The following GRK5 variants were observed in gnomAD, a reference collection of about 807,000 sequenced individuals.
GRK5 encodes G protein-coupled receptor kinase 5, also known as g protein-coupled receptor kinase GRK5.
In GRK5, 40 loss-of-function variants were observed where a neutral mutation model predicts 78.4. The observed-to-expected ratio is 0.51, with a 90% confidence interval of 0.40 to 0.66. The LOEUF (loss-of-function observed/expected upper bound fraction) is 0.66, where lower values mean the gene tolerates loss of function less well. GRK5 is among the 30% of genes least tolerant of loss of function. The probability of loss-of-function intolerance (pLI) is 0.00; values close to 1 mark genes in which losing one functional copy is unlikely to be tolerated. For missense variants in GRK5, 598 were observed against 759.9 expected (o/e 0.79, Z 2.50); for synonymous variants, 289 against 296.8 (o/e 0.97, Z 0.27).
intron 1 of GRK5, among the ~76,000 whole-genome samples, chr10:119,259,085 G>A (rs1166797593): frequency 1.8e-5 from 2 of 113,424 alleles, no homozygotes; most frequent in Non-Finnish European, 3.6e-5. Context: ...TTTTTTTTGA[G>A]ACAGAGTCTC....
chr10:119,236,239 G>A (rs900898317), intron 1 of GRK5, among the ~76,000 whole-genome samples: 1 of 151,762 alleles, frequency 6.6e-6, no homozygotes, highest in African/African-American at 2.4e-5. Flanking sequence ...TTTTTGAGAC[G>A]GAGTCTCGCT....
intron 3 of GRK5, among the ~76,000 whole-genome samples, chr10:119,384,755 G>A (rs1214118606): frequency 6.6e-6 from 1 of 152,208 alleles, no homozygotes; most frequent in Non-Finnish European, 1.5e-5. Context: ...GAGCATGTGA[G>A]GGGCAGAGGT....
chr10:119,214,323 T>A (rs1848535239), intron 1 of GRK5, among the ~76,000 whole-genome samples: 1 of 152,128 alleles, frequency 6.6e-6, no homozygotes. Flanking sequence ...AGAACTGGAT[T>A]TTTTTCCCCG....
chr10:119,426,216 C>T (rs1483969748), intron 6 of GRK5, among the ~76,000 whole-genome samples: 2 of 152,224 alleles, frequency 1.3e-5, no homozygotes, highest in East Asian at 1.9e-4. Flanking sequence ...CACAGCCCTT[C>T]CCTGCCTGCT....
chr10:119,240,719 G>A (rs774089925), intron 1 of GRK5, among the ~76,000 whole-genome samples: 5 of 151,992 alleles, frequency 3.3e-5, no homozygotes, highest in Non-Finnish European at 5.9e-5. Flanking sequence ...TGTAGATTCT[G>A]GACATTAGCC....
chr10:119,419,275 G>T (rs111958824), intron 4 of GRK5, among the ~76,000 whole-genome samples: 1 of 152,200 alleles, frequency 6.6e-6, no homozygotes, highest in Non-Finnish European at 1.5e-5. Context: ...CTTACACGGT[G>T]TATCCGATCT....
chr10:119,276,391 A>G (rs969762706), intron 1 of GRK5, among the ~76,000 whole-genome samples: 8 of 151,898 alleles, frequency 5.3e-5, no homozygotes, highest in African/African-American at 1.9e-4. Flanking sequence ...GAGAATGATG[A>G]TTTCCAATTT....
chr10:119,419,299 C>T (rs779767692), intron 4 of GRK5, among the ~76,000 whole-genome samples: 2 of 152,230 alleles, frequency 1.3e-5, no homozygotes, highest in Admixed American at 6.5e-5. Flanking sequence ...ACGCAGCCAG[C>T]GGAGGGCCTT....
chr10:119,324,917 G>A (rs181745491), intron 1 of GRK5, among the ~76,000 whole-genome samples: 1 of 152,218 alleles, frequency 6.6e-6, no homozygotes, highest in Admixed American at 6.5e-5. Flanking sequence ...TGCCCAATAC[G>A]CATTCCTTCT....
intron 1 of GRK5, among the ~76,000 whole-genome samples, chr10:119,254,274 A>C (rs550615242): frequency 1.0e-3 from 155 of 152,352 alleles, no homozygotes; most frequent in African/African-American, 3.5e-3. Flanking sequence ...TGACCCTCCC[A>C]GGGTTGCACA....
At chr10:119,392,629 C>T (rs1851903092) in intron 3 of GRK5, among the ~76,000 whole-genome samples, 2 of 152,156 alleles carry the variant, frequency 1.3e-5, no homozygotes, top group Admixed American at 1.3e-4. Flanking sequence ...GTCTCGAACT[C>T]CTGACGTCAG....
At position 119,412,425 on chromosome 10, in the gene GRK5, GC is replaced by G. The variant is rs1852365112; in HGVS notation, c.340-10738del. Among the ~76,000 whole-genome samples, 1 of 152,198 alleles carries G rather than the reference GC, an allele frequency of 6.6e-6. No individual in the cohort carries two copies. The highest frequency in any genetic ancestry group is 1.5e-5 in the Non-Finnish European group (1 of 68,030). On this transcript the variant is annotated intron_variant, in intron 4 of 15. Coordinates refer to ENST00000392870, the MANE Select transcript of GRK5 (RefSeq NM_005308.3). This position sits in a 1 kb window ranked among gnomAD's most constrained non-coding sequence, Gnocchi z 4.3. ...GAGGGCTGCTGGATGTTGGCATCAG[GC>G]CCAGGGTGGAGGGAGGGACAGGCCA...
Position 119,310,557 on chromosome 10 carries a change from G to A in GRK5, c.53-15959G>A, listed in dbSNP as rs568687820. ...ATTAAAAAATTATTTTGCTTGGAAA[G>A]AACTTTTTTTTTCCAGTTCTGCTAC... On this transcript the variant is annotated intron_variant, in intron 1 of 15. Coordinates refer to ENST00000392870, the MANE Select transcript of GRK5 (RefSeq NM_005308.3). Among the ~76,000 whole-genome samples, 3 of 152,306 alleles carry A rather than the reference G, an allele frequency of 2.0e-5. No individual in the cohort carries two copies. The East Asian group carries it at 5.8e-4, about 29-fold the overall frequency.
At chr10:119,408,648 A>G (rs1852283794) in intron 4 of GRK5, among the ~76,000 whole-genome samples, 1 of 146,586 alleles carries the variant, frequency 6.8e-6, no homozygotes, top group Non-Finnish European at 1.5e-5. Flanking sequence ...AGAATAGACA[A>G]ATCCATAGAG....
chr10:119,354,574 G>A (rs542234940), intron 2 of GRK5, among the ~76,000 whole-genome samples: 26 of 151,948 alleles, frequency 1.7e-4, no homozygotes, highest in Admixed American at 5.9e-4. Flanking sequence ...GCTAATTTTT[G>A]TATTTTTTGT....
intron 8 of GRK5, among the ~76,000 whole-genome samples, chr10:119,432,318 C>T (rs2133896402): frequency 1.3e-5 from 2 of 152,128 alleles, no homozygotes; most frequent in Middle Eastern, 6.8e-3. Flanking sequence ...TGCAGTGGTA[C>T]ATGCTTGTAG....
At chr10:119,383,387 G>T (rs1174885706) in intron 3 of GRK5, among the ~76,000 whole-genome samples, 1 of 152,198 alleles carries the variant, frequency 6.6e-6, no homozygotes, top group African/African-American at 2.4e-5. Flanking sequence ...AATGGTAGCA[G>T]CTATTGCTAG....
intron 2 of GRK5, among the ~76,000 whole-genome samples, chr10:119,345,162 A>G (rs796067243): frequency 9.9e-5 from 15 of 151,674 alleles, no homozygotes; most frequent in East Asian, 3.9e-4. Context: ...TAGAGACGGG[A>G]TTTCACCGTG....
intron 4 of GRK5, among the ~76,000 whole-genome samples, chr10:119,411,579 A>G (rs898668449): frequency 1.3e-5 from 2 of 152,206 alleles, no homozygotes; most frequent in African/African-American, 4.8e-5. Flanking sequence ...TTTTAAGAAA[A>G]AGAATAGGAG....
Sources: allele counts gnomAD v4.1 joint callset (sites outside exome capture counted in the v4.1 genomes callset), GRCh38; gene constraint gnomAD v4.1.1; non-coding constraint Gnocchi (gnomAD v3.1); transcripts MANE v1.5; gene names NCBI Gene and HGNC (gene_info 2026-07-23, HGNC 2026-07-21).